The following CBLN2 variants were observed in gnomAD, a reference collection of about 807,000 sequenced individuals.
CBLN2 encodes cerebellin-2.
A neutral mutation model predicts 15.0 loss-of-function variants in CBLN2; 7 were observed. The observed-to-expected ratio is 0.47, with a 90% confidence interval of 0.27 to 0.88. CBLN2 has a LOEUF of 0.88. Among genes scored for constraint, CBLN2 ranks in the 40% least tolerant of loss-of-function variants. The probability of loss-of-function intolerance (pLI) is 0.14; values close to 1 mark genes in which losing one functional copy is unlikely to be tolerated. For missense variants in CBLN2, 242 were observed against 304.5 expected (o/e 0.79, Z 1.53); for synonymous variants, 149 against 135.2 (o/e 1.10, Z -0.71).
At chr18:72,572,810 A>G (rs891289075) in intron 1 of CBLN2, among the ~76,000 whole-genome samples, 7 of 152,102 alleles carry the variant, frequency 4.6e-5, no homozygotes, top group Non-Finnish European at 1.0e-4. Flanking sequence ...AACAAGTTTT[A>G]TGTGTTCATT....
intron 3 of CBLN2, 62 bp from the exon 4 acceptor site, chr18:72,538,834 C>T (rs1036795423): frequency 6.3e-7 from 1 of 1,587,070 alleles, no homozygotes; most frequent in Non-Finnish European, 8.6e-7. Flanking sequence ...ATGTTTTCAT[C>T]ATCCTTGGAT....
chr18:72,586,092 C>T (rs1369302622), intron 1 of CBLN2, among the ~76,000 whole-genome samples: 2 of 152,182 alleles, frequency 1.3e-5, no homozygotes, highest in African/African-American at 4.8e-5. Context: ...GGGCGGGGCT[C>T]CCAACCCTCC....
intron 1 of CBLN2, among the ~76,000 whole-genome samples, chr18:72,570,295 T>C (rs2069322972): frequency 6.6e-6 from 1 of 151,690 alleles, no homozygotes; most frequent in Admixed American, 6.6e-5. Context: ...TTTTTTTTTT[T>C]TTTTTTCCCG....
At chr18:72,558,272 T>C (rs1169251169) in intron 1 of CBLN2, among the ~76,000 whole-genome samples, 1 of 152,170 alleles carries the variant, frequency 6.6e-6, no homozygotes, top group Non-Finnish European at 1.5e-5. Flanking sequence ...ATAACATCTC[T>C]GGACACTCTG....
In CBLN2 at chr18:72,565,059, G is replaced by A. The variant is rs914623263; in HGVS notation, c.16-26287C>T. Among the ~76,000 whole-genome samples the A allele has an allele frequency of 2.0e-5, 3 of 152,176 alleles. No individual in the cohort carries two copies. In the South Asian group the frequency reaches 6.2e-4, roughly 31 times the overall value. On this transcript the variant is annotated intron_variant, in intron 1 of 2. Coordinates refer to the CBLN2 transcript ENST00000581073. ...AGCAAAGCTATCCTTCATAAATGAA[G>A]TAGAAATAGTCTTCACCAGACAAGC...
chr18:72,577,404 A>T (rs2144914023), intron 1 of CBLN2, among the ~76,000 whole-genome samples: 1 of 152,266 alleles, frequency 6.6e-6, no homozygotes, highest in East Asian at 1.9e-4. Flanking sequence ...TTTTTATTGT[A>T]TTGGTGACTT....
chr18:72,552,903 A>T (rs975929477), intron 1 of CBLN2, among the ~76,000 whole-genome samples: 1 of 152,194 alleles, frequency 6.6e-6, no homozygotes, highest in African/African-American at 2.4e-5. Flanking sequence ...AGAAGAGGTT[A>T]CTAGTGGAAT....
chr18:72,574,421 C>T (rs1301003971), intron 1 of CBLN2, among the ~76,000 whole-genome samples: 1 of 152,106 alleles, frequency 6.6e-6, no homozygotes, highest in Non-Finnish European at 1.5e-5. Flanking sequence ...ACTTTTGCTG[C>T]CACAGGAACA....
At chr18:72,584,393 C>G (rs1426816868) in intron 1 of CBLN2, among the ~76,000 whole-genome samples, 2 of 151,958 alleles carry the variant, frequency 1.3e-5, no homozygotes, top group Non-Finnish European at 2.9e-5. Context: ...CTCACTGCAA[C>G]CTCTGCCTCC....
intron 1 of CBLN2, among the ~76,000 whole-genome samples, chr18:72,597,680 AG>A (rs1022099167): frequency 6.6e-6 from 1 of 152,190 alleles, no homozygotes; most frequent in Admixed American, 6.5e-5. Context: ...TCTGTGAACA[AG>A]GGCTTCTAAT....
At chr18:72,628,848 C>T (rs1324795094) in intron 1 of CBLN2, among the ~76,000 whole-genome samples, 2 of 152,184 alleles carry the variant, frequency 1.3e-5, no homozygotes, top group Admixed American at 6.5e-5. Context: ...TAAGCCGTTG[C>T]TGTTTTTCTT....
chr18:72,566,478 A>C (rs2069295826), intron 1 of CBLN2, among the ~76,000 whole-genome samples: 1 of 152,232 alleles, frequency 6.6e-6, no homozygotes, highest in African/African-American at 2.4e-5. Context: ...TTCAGCCATA[A>C]ACAGGATGAA....
intron 1 of CBLN2, among the ~76,000 whole-genome samples, chr18:72,628,180 C>G (rs1222117229): frequency 6.6e-6 from 1 of 152,180 alleles, no homozygotes; most frequent in Non-Finnish European, 1.5e-5. Flanking sequence ...GCGTCACCAT[C>G]TAGAGTCTTA....
At chr18:72,542,915 AC>A (rs2069128695) in intron 2 of CBLN2, 1 of 96,512 alleles carries the variant, frequency 1.0e-5, no homozygotes, top group Non-Finnish European at 2.1e-5. Context: ...GACACCACAC[AC>A]ACACACACAC....
At chr18:72,545,372 A>G (rs1398326006), upstream of CBLN2, among the ~76,000 whole-genome samples, 2 of 152,242 alleles carry the variant, frequency 1.3e-5, no homozygotes, top group East Asian at 3.8e-4. Flanking sequence ...CCTAGCATGC[A>G]AAATAGTAGA....
At chr18:72,608,220 T>G (rs967704965) in intron 1 of CBLN2, among the ~76,000 whole-genome samples, 1 of 152,324 alleles carries the variant, frequency 6.6e-6, no homozygotes, top group South Asian at 2.1e-4. Context: ...TCCATTCCTT[T>G]CCTTCATAGC....
At chr18:72,563,290 A>T (rs2069273518) in intron 1 of CBLN2, among the ~76,000 whole-genome samples, 1 of 152,244 alleles carries the variant, frequency 6.6e-6, no homozygotes. Flanking sequence ...AAAACAACCA[A>T]TTTAATGAGT....
At chr18:72,611,299 A>G (rs1304199871) in intron 1 of CBLN2, among the ~76,000 whole-genome samples, 1 of 152,170 alleles carries the variant, frequency 6.6e-6, no homozygotes, top group Non-Finnish European at 1.5e-5. Flanking sequence ...TTTCTTTTAA[A>G]TTATTTGAGA....
At chr18:72,634,659 G>A (rs1599033033) in intron 1 of CBLN2, among the ~76,000 whole-genome samples, 2 of 152,100 alleles carry the variant, frequency 1.3e-5, no homozygotes, top group East Asian at 1.9e-4. Flanking sequence ...GCAGGCTGGT[G>A]TCAGGGATTT....
Sources: gnomAD v4.1 joint callset for allele counts (sites outside exome capture counted in the v4.1 genomes callset) on GRCh38, gnomAD v4.1.1 for gene constraint, MANE v1.5 for transcripts, NCBI Gene and HGNC (gene_info 2026-07-23, HGNC 2026-07-21) for gene names.